Variants in RPTOR observed in about 807,000 individuals in gnomAD.
RPTOR encodes regulatory associated protein of MTOR complex 1.
RPTOR carries 21 observed loss-of-function variants against 169.9 expected under a neutral mutation model. That is an observed-to-expected ratio of 0.12 (90% CI 0.09 to 0.18). The LOEUF is 0.18. RPTOR is among the 10% of genes least tolerant of loss of function. The probability of loss-of-function intolerance (pLI) is 1.00; values close to 1 mark genes in which losing one functional copy is unlikely to be tolerated. For synonymous variants in RPTOR, 732 were observed against 753.2 expected, an observed-to-expected ratio of 0.97 and a Z score of 0.46; for missense variants, 1,133 against 1,855.9, an observed-to-expected ratio of 0.61 and a Z score of 7.16.
intron 3 of RPTOR, among the ~76,000 whole-genome samples, chr17:80,700,580 A>G (rs2066081561): frequency 2.4e-5 from 3 of 124,950 alleles, no homozygotes; most frequent in Non-Finnish European, 3.4e-5. Context: ...GGTGATGGTG[A>G]TGATGGAAGT....
chr17:80,698,182 C>T (rs2066053104), intron 3 of RPTOR, among the ~76,000 whole-genome samples: 2 of 152,138 alleles, frequency 1.3e-5, no homozygotes, highest in South Asian at 4.1e-4. Context: ...TGAGGGTCCA[C>T]AGAGGAGGAT....
chr17:80,700,123 T>C lies in RPTOR; in HGVS notation c.349-7718T>C, dbSNP rs77323951. Among the ~76,000 whole-genome samples the C allele has an allele frequency of 9.5e-4, 145 of 152,288 alleles. 2 individuals carry two copies. The East Asian group carries it at 0.026, about 27-fold the overall frequency. On this transcript the variant is annotated intron_variant, in intron 3 of 33. Coordinates refer to ENST00000306801, the MANE Select transcript of RPTOR (RefSeq NM_020761.3). ...GGCTGGAAAGTAGGTTAGAACATAA[T>C]GAGGCAAAAGGCTTAAAAGATCCTT...
chr17:80,815,770 G>A (rs2067316179), intron 7 of RPTOR, among the ~76,000 whole-genome samples: 1 of 152,276 alleles, frequency 6.6e-6, no homozygotes, highest in Non-Finnish European at 1.5e-5. Flanking sequence ...GATCTCAGCT[G>A]TCATCCTGTG....
intron 23 of RPTOR, 113 bp downstream of exon 23, chr17:80,923,786 C>A (rs766638189): frequency 8.1e-7 from 1 of 1,240,762 alleles, no homozygotes; most frequent in South Asian, 1.6e-5. Flanking sequence ...GGGCAGGACC[C>A]ACCCTGCCGT....
intron 20 of RPTOR, among the ~76,000 whole-genome samples, chr17:80,901,105 G>A (rs1230671847): frequency 2.6e-5 from 4 of 152,210 alleles, no homozygotes; most frequent in African/African-American, 4.8e-5. Flanking sequence ...GAGGGACTGC[G>A]GAGGCCCCGC....
intron 5 of RPTOR, among the ~76,000 whole-genome samples, chr17:80,742,730 A>G (rs901493080): frequency 6.6e-6 from 1 of 152,002 alleles, no homozygotes; most frequent in African/African-American, 2.4e-5. Flanking sequence ...ACACATACAC[A>G]TGCATGTGCG....
intron 3 of RPTOR, among the ~76,000 whole-genome samples, chr17:80,696,962 C>T (rs892901678): frequency 3.3e-5 from 5 of 152,304 alleles, no homozygotes; most frequent in South Asian, 2.1e-4. Context: ...TTAGCAGCTC[C>T]GTCGCCCCCT....
At chr17:80,685,135 C>G (rs1358979184) in intron 3 of RPTOR, among the ~76,000 whole-genome samples, 6 of 152,070 alleles carry the variant, frequency 3.9e-5, no homozygotes, top group African/African-American at 1.2e-4. Context: ...AGGAGAGCGC[C>G]TCATTCGGAG....
At chr17:80,590,618 G>T (rs746876249) in intron 1 of RPTOR, among the ~76,000 whole-genome samples, 9 of 152,026 alleles carry the variant, frequency 5.9e-5, no homozygotes, top group Non-Finnish European at 1.2e-4. Context: ...GGTGAAGGAG[G>T]CATGCAGGTA....
chr17:80,891,697 T>A (rs765422809), intron 17 of RPTOR, 23 bp from the exon 18 acceptor site: 1 of 1,495,650 alleles, frequency 6.7e-7, no homozygotes, highest in African/African-American at 1.4e-5. Context: ...GTGACTGTTA[T>A]TGTCCCTTCT....
chr17:80,741,099 C>T (rs915355482), intron 5 of RPTOR, among the ~76,000 whole-genome samples: 32 of 152,148 alleles, frequency 2.1e-4, no homozygotes, highest in Admixed American at 9.8e-4. Context: ...TAAAATGGTA[C>T]GGCTGCTTCA....
At chr17:80,678,649 C>T (rs374424338) in intron 3 of RPTOR, among the ~76,000 whole-genome samples, 2 of 152,368 alleles carry the variant, frequency 1.3e-5, no homozygotes, top group East Asian at 3.9e-4. Flanking sequence ...AGAGCAACGC[C>T]TGACTCAGAA....
chr17:80,744,421 C>CTAGCACAGCCCTGGT (rs2066539290), intron 5 of RPTOR, among the ~76,000 whole-genome samples: 1 of 14,516 alleles, frequency 6.9e-5, no homozygotes, highest in Admixed American at 8.2e-4. Context: ...ACAGCCCTGG[C>CTAGCACAGCCCTGGT]TACTAGCACA....
At position 80,803,999 on chromosome 17, in the gene RPTOR, G is replaced by A. The variant is rs578074815; in HGVS notation, c.890+12490G>A. ...GTGGCAAGGGCCTTCTTTGAAAGAG[G>A]CATATGTAGCTTCAGTATTTATAAT... On this transcript the variant is annotated intron_variant, in intron 7 of 33. Transcript: ENST00000306801. The surrounding 1 kb of genome is among the most constrained non-coding windows in gnomAD (Gnocchi z 6.2). Among the ~76,000 whole-genome samples the A allele has an allele frequency of 6.6e-6, 1 of 152,328 alleles. No homozygotes were observed. The highest frequency in any genetic ancestry group is 6.5e-5 in the Admixed American group (1 of 15,304).
chr17:80,762,132 C>T (rs897406457), intron 6 of RPTOR, among the ~76,000 whole-genome samples: 4 of 152,200 alleles, frequency 2.6e-5, no homozygotes, highest in Non-Finnish European at 4.4e-5. Flanking sequence ...AGATGAATAT[C>T]ATAATGTATT....
intron 1 of RPTOR, among the ~76,000 whole-genome samples, chr17:80,553,680 C>G (rs890755235): frequency 6.6e-6 from 1 of 152,052 alleles, no homozygotes; most frequent in South Asian, 2.1e-4. Context: ...AAGATCCGTT[C>G]AATGTTAGAC....
At chr17:80,770,919 A>G (rs907963640) in intron 6 of RPTOR, among the ~76,000 whole-genome samples, 6 of 152,174 alleles carry the variant, frequency 3.9e-5, no homozygotes, top group Admixed American at 1.3e-4. Context: ...CGCTGCTGTC[A>G]CCACTCAGCT....
intron 20 of RPTOR, among the ~76,000 whole-genome samples, chr17:80,899,445 G>A (rs561685023): frequency 6.6e-6 from 1 of 152,288 alleles, no homozygotes; most frequent in Non-Finnish European, 1.5e-5. Context: ...TAAATTCATA[G>A]TATTCTGTTT....
chr17:80,711,889 G>A (rs1197184032), intron 4 of RPTOR, among the ~76,000 whole-genome samples: 5 of 151,726 alleles, frequency 3.3e-5, no homozygotes, highest in South Asian at 2.1e-4. Flanking sequence ...GATTACAGGC[G>A]CCCGCCGCCA....
Sources: allele counts gnomAD v4.1 joint callset (sites outside exome capture counted in the v4.1 genomes callset), GRCh38; gene constraint gnomAD v4.1.1; non-coding constraint Gnocchi (gnomAD v3.1); transcripts MANE v1.5; gene names NCBI Gene and HGNC (gene_info 2026-07-23, HGNC 2026-07-21).